The following GINS4 variants were observed in gnomAD, a reference collection of about 807,000 sequenced individuals.
GINS4 encodes the protein DNA replication complex GINS protein SLD5.
Under a neutral mutation model 31.1 loss-of-function variants are expected in GINS4, and 20 were observed. That is an observed-to-expected ratio of 0.64 (90% CI 0.45 to 0.93). The LOEUF is 0.93. Ranked by LOEUF, GINS4 falls within the 40% of genes least tolerant of loss-of-function variation. The pLI is 0.00. For missense variants in GINS4, 245 were observed against 273.9 expected (o/e 0.89, Z 0.75); for synonymous variants, 85 against 97.9 (o/e 0.87, Z 0.78).
chr8:41,538,767 C>T (rs1307172281), intron 4 of GINS4, among the ~76,000 whole-genome samples: 2 of 151,806 alleles, frequency 1.3e-5, no homozygotes, highest in East Asian at 2.0e-4. Context: ...TGCAGTGGCG[C>T]GATCTCAGCT....
chr8:41,530,124 C>A (rs1806627733), intron 1 of GINS4, 60 bp from the exon 2 acceptor site: 3 of 1,079,404 alleles, frequency 2.8e-6, no homozygotes, highest in South Asian at 1.3e-5. Flanking sequence ...AGATAGATGT[C>A]TGTTCTTGCA....
chr8:41,540,820 C>T (rs908311895), intron 6 of GINS4, among the ~76,000 whole-genome samples: 4 of 152,194 alleles, frequency 2.6e-5, no homozygotes, highest in Admixed American at 2.6e-4. Context: ...GCCACCCCTG[C>T]GGTGGTGGAA....
At chr8:41,535,350 A>C (rs1806724566) in intron 2 of GINS4, among the ~76,000 whole-genome samples, 1 of 152,154 alleles carries the variant, frequency 6.6e-6, no homozygotes, top group East Asian at 1.9e-4. Flanking sequence ...AAATAAATAA[A>C]AATTATTCAA....
At chr8:41,539,875 C>G in intron 5 of GINS4, 41 bp from the exon 6 acceptor site, 1 of 1,584,584 alleles carries the variant, frequency 6.3e-7, no homozygotes, top group Non-Finnish European at 8.7e-7. Context: ...GGACGTCCAT[C>G]AGCTGTGTAC....
intron 1 of GINS4, 79 bp from the exon 2 acceptor site, chr8:41,530,105 C>T (rs1394421274): frequency 3.2e-6 from 3 of 941,994 alleles, no homozygotes; most frequent in East Asian, 5.1e-5. Context: ...ATAAACCTTT[C>T]CTTTCTCCAG....
intron 6 of GINS4, 30 bp downstream of exon 6, chr8:41,540,034 C>T: frequency 1.3e-6 from 2 of 1,490,192 alleles, no homozygotes; most frequent in East Asian, 2.3e-5. Context: ...TGCAGGTGGC[C>T]CACCCATCCT....
intron 4 of GINS4, 72 bp downstream of exon 4, chr8:41,537,365 A>G: frequency 8.5e-7 from 1 of 1,177,896 alleles, no homozygotes; most frequent in Non-Finnish European, 1.2e-6. Flanking sequence ...CCTGGGGAAA[A>G]CTTGGGCTGG....
Position 41,540,323 on chromosome 8 carries a change from C to T in GINS4, c.484+319C>T, listed in dbSNP as rs148323802. The stretch of plus-strand genomic sequence containing the variant: ...GTGAGGTGCTGGCAGCCCCGAGTAC[C>T]AGCACTGCAGAGCCTACACCAACAT... On this transcript the variant is annotated intron_variant, in intron 6 of 7. Coordinates refer to ENST00000276533, the MANE Select transcript of GINS4 (RefSeq NM_032336.3). 345 of 398,218 alleles carry T rather than the reference C, an allele frequency of 8.7e-4. 5 individuals carry two copies. The highest frequency in any genetic ancestry group is 6.2e-3 in the African/African-American group (304 of 48,700). 24.7% of individuals were successfully genotyped at this position (398,218 alleles called of 1,614,324 possible). A position where few individuals can be genotyped will look rare whatever the true frequency, so the allele number is the denominator to read the frequency against.
At chr8:41,531,465 T>C (rs114536148) in intron 2 of GINS4, among the ~76,000 whole-genome samples, 11 of 152,346 alleles carry the variant, frequency 7.2e-5, no homozygotes, top group African/African-American at 2.6e-4. Context: ...AGCTCTCTCA[T>C]GTTTGCTACT....
intron 5 of GINS4, 31 bp from the exon 6 acceptor site, chr8:41,539,885 C>G (rs1196777038): frequency 6.3e-7 from 1 of 1,592,348 alleles, no homozygotes; most frequent in Non-Finnish European, 8.6e-7. Context: ...CAGCTGTGTA[C>G]ACCACAGCGA....
At chr8:41,541,573 A>G (rs374664841) in intron 6 of GINS4, among the ~76,000 whole-genome samples, 1 of 152,178 alleles carries the variant, frequency 6.6e-6, no homozygotes, top group Admixed American at 6.5e-5. Flanking sequence ...GACCCATACC[A>G]GACTTGTGGA....
In GINS4 at chr8:41,536,392, G is replaced by A. The variant is rs767143301; in HGVS notation, c.129G>A (p.Leu43=). Residue 43 remains leucine (L), a synonymous_variant, in exon 3 of 8, where the codon CTG becomes CTA. Coordinates refer to ENST00000276533, the MANE Select transcript of GINS4 (RefSeq NM_032336.3). Reference sequence around the variant, plus strand: ...TGAATGAAAAGTTTGCCCCTGAGCTGCTGGAGAGCAAGCCTGAGATTGTAG... The same window carrying A: ...TGAATGAAAAGTTTGCCCCTGAGCTACTGGAGAGCAAGCCTGAGATTGTAG... ...AWMNEKFAPE[L]LESKPEIVEC... 2 of 1,612,420 alleles carry A rather than the reference G, an allele frequency of 1.2e-6. No homozygotes were observed. Among genetic ancestry groups the A allele is most frequent in the East Asian group, 2.2e-5 (1 of 44,866 alleles).
At chr8:41,537,316 G>A (rs1348287735) in intron 4 of GINS4, 23 bp downstream of exon 4, 1 of 1,513,636 alleles carries the variant, frequency 6.6e-7, no homozygotes, top group Non-Finnish European at 9.2e-7. Flanking sequence ...GATACCTGGA[G>A]GGATTGAGAC....
At position 41,537,202 on chromosome 8, in the gene GINS4, A is replaced by G. The variant is rs1049466441; in HGVS notation, c.206A>G (p.Lys69Arg). Reference protein sequence around the residue: ...EHMEENLRRAKREDLKVSIHQ... With the variant: ...EHMEENLRRARREDLKVSIHQ... ...TAGGAAGAAAATCTCAGGAGAGCCAAAAGGGAGGACCTGAAGGTCAGCATC... is the reference window on the plus strand; with the variant it reads ...TAGGAAGAAAATCTCAGGAGAGCCAGAAGGGAGGACCTGAAGGTCAGCATC... The change falls in exon 4 of 8, where the codon AAA becomes AGA. Residue 69 changes from lysine to arginine, a missense_variant. Physicochemically the swap from Lys to Arg is conservative, Grantham distance 26 (BLOSUM62 2). Transcript: ENST00000276533. The G allele has an allele frequency of 2.5e-6, 4 of 1,613,292 alleles. No individual in the cohort carries two copies. The African/African-American group carries it at 5.3e-5, about 21-fold the overall frequency.
rs543042630 is a variant in GINS4, at chr8:41,537,270, T to C, written c.274T>C (p.Tyr92His). Residue 92 changes from tyrosine to histidine, a missense_variant, in exon 4 of 8, where the codon TAC becomes CAC. Coordinates refer to ENST00000276533, the MANE Select transcript of GINS4 (RefSeq NM_032336.3). ...MERIRYVLSS[Y>H]LRCRLMKIEK... ...GAGGATCCGCTACGTCCTCAGCAGC[T>C]ACTTGCGGTGTCGCCTCATGAAGGT... 1 of 1,613,316 alleles carries C rather than the reference T, an allele frequency of 6.2e-7. No homozygotes were observed. Among genetic ancestry groups the C allele is most frequent in the South Asian group, 1.1e-5 (1 of 91,022 alleles).
chr8:41,542,082 A>G lies in GINS4; in HGVS notation c.667A>G (p.Ile223Val). 1 of 1,612,954 alleles carries G rather than the reference A, an allele frequency of 6.2e-7. No individual in the cohort carries two copies. The highest frequency in any genetic ancestry group is 8.5e-7 in the Non-Finnish European group (1 of 1,178,976). ...GGTTGCATCTGGAGCTGTCCAGCTA[A>G]TTTAAAACTAGGCATAAACAGCCAG... ...PLVASGAVQL[I>V] The change falls in exon 8 of 8, where the codon ATT becomes GTT. Residue 223 changes from isoleucine (I) to valine (V), a missense_variant. Transcript: ENST00000276533.
chr8:41,536,564 A>G (rs896006328), intron 3 of GINS4, 118 bp downstream of exon 3: 1 of 634,304 alleles, frequency 1.6e-6, no homozygotes, highest in East Asian at 2.6e-5. Flanking sequence ...CTCACAGTCC[A>G]GTTCTTTAAA....
At position 41,542,284 on chromosome 8, in the gene GINS4, CG is replaced by C; in HGVS notation, c.*201del. On this transcript the variant is annotated 3_prime_UTR_variant, in exon 8 of 8. Transcript: ENST00000276533. ...CTGTAATCCCAGCTACTCAGGAGGC[CG>C]GGGCAGGAGAATCGCTTGAACCTGG... 1.8e-6 allele frequency: 1 copy of C among 568,980 alleles called. No individual in the cohort carries two copies. The highest frequency in any genetic ancestry group is 3.2e-6 in the Non-Finnish European group (1 of 314,104). 35.2% of individuals were successfully genotyped at this position (568,980 alleles called of 1,614,324 possible).
chr8:41,531,466 G>A (rs1393230760), intron 2 of GINS4, among the ~76,000 whole-genome samples: 1 of 152,104 alleles, frequency 6.6e-6, no homozygotes, highest in Non-Finnish European at 1.5e-5. Context: ...GCTCTCTCAT[G>A]TTTGCTACTT....
Sources: gnomAD v4.1 joint callset for allele counts (sites outside exome capture counted in the v4.1 genomes callset) on GRCh38, gnomAD v4.1.1 for gene constraint, MANE v1.5 for transcripts, NCBI Gene and HGNC (gene_info 2026-07-23, HGNC 2026-07-21) for gene names.